Variants in DPYD observed in about 807,000 individuals in gnomAD.
DPYD encodes the protein dihydropyrimidine dehydrogenase [NADP(+)].
DPYD carries 109 observed loss-of-function variants against 116.2 expected under a neutral mutation model. The ratio of observed to expected loss-of-function variants is 0.94; its 90% confidence interval spans 0.80 to 1.10. DPYD has a LOEUF of 1.10. DPYD is among the 50% of genes least tolerant of loss of function. The pLI, the probability that DPYD is intolerant of heterozygous loss-of-function variation, is 0.00. For missense variants in DPYD, 1,302 were observed against 1,254.5 expected (o/e 1.04, Z -0.57); for synonymous variants, 440 against 432.0 (o/e 1.02, Z -0.23).
intron 18 of DPYD, among the ~76,000 whole-genome samples, chr1:97,293,649 AAGTC>A (rs1434659025): frequency 1.3e-5 from 2 of 152,190 alleles, no homozygotes; most frequent in Non-Finnish European, 2.9e-5. Flanking sequence ...CAAAGATTAA[AAGTC>A]AGTCCAGGCC....
At chr1:97,525,798 G>C (rs1357211655) in intron 12 of DPYD, among the ~76,000 whole-genome samples, 2 of 151,210 alleles carry the variant, frequency 1.3e-5, no homozygotes, top group Non-Finnish European at 2.9e-5. Context: ...GAGTGTGTGT[G>C]TGTTTTAGGC....
At chr1:97,373,723 AGTCACATTT>A in intron 15 of DPYD, 79 bp from the exon 16 acceptor site, 1 of 1,251,050 alleles carries the variant, frequency 8.0e-7, no homozygotes, top group Non-Finnish European at 1.2e-6. Context: ...TGATAACACA[AGTCACATTT>A]GTCAAGTGTT....
intron 14 of DPYD, among the ~76,000 whole-genome samples, chr1:97,431,059 TAAG>T (rs953644357): frequency 2.0e-5 from 3 of 152,146 alleles, no homozygotes; most frequent in Non-Finnish European, 4.4e-5. Context: ...TATTTTTTCT[TAAG>T]AAATATTTAT....
At chr1:97,485,656 T>C (rs1368367764) in intron 13 of DPYD, among the ~76,000 whole-genome samples, 1 of 152,230 alleles carries the variant, frequency 6.6e-6, no homozygotes, top group South Asian at 2.1e-4. Flanking sequence ...TCTAGATTTA[T>C]TTGGTTCATT....
intron 10 of DPYD, among the ~76,000 whole-genome samples, chr1:97,583,771 T>G (rs1653878240): frequency 6.6e-6 from 1 of 152,166 alleles, no homozygotes; most frequent in Non-Finnish European, 1.5e-5. Context: ...AATATTTTTT[T>G]TAACAGTTTA....
chr1:97,811,517 CAAAACAAT>C (rs1291569424), intron 3 of DPYD, among the ~76,000 whole-genome samples: 1 of 151,976 alleles, frequency 6.6e-6, no homozygotes, highest in Non-Finnish European at 1.5e-5. Flanking sequence ...AAACATTGCT[CAAAACAAT>C]AAATATTTCA....
chr1:97,174,465 A>C (rs1657107089), intron 20 of DPYD, among the ~76,000 whole-genome samples: 1 of 152,216 alleles, frequency 6.6e-6, no homozygotes, highest in African/African-American at 2.4e-5. Flanking sequence ...GAAGTCTTCC[A>C]ACTCCACACC....
intron 12 of DPYD, among the ~76,000 whole-genome samples, chr1:97,527,009 A>G (rs1649177972): frequency 6.6e-6 from 1 of 152,096 alleles, no homozygotes; most frequent in South Asian, 2.1e-4. Flanking sequence ...AAAGATTAAT[A>G]AGTGGTAGAG....
At chr1:97,799,838 C>T (rs544235310) in intron 3 of DPYD, among the ~76,000 whole-genome samples, 3 of 151,852 alleles carry the variant, frequency 2.0e-5, no homozygotes, top group African/African-American at 2.4e-5. Flanking sequence ...AGAAAGTTCA[C>T]GTTGCCTAGA....
chr1:97,500,201 A>C (rs1679496039), intron 13 of DPYD, among the ~76,000 whole-genome samples: 1 of 151,986 alleles, frequency 6.6e-6, no homozygotes, highest in Non-Finnish European at 1.5e-5. Flanking sequence ...CAGGTAATTC[A>C]TCAAACACCA....
intron 8 of DPYD, among the ~76,000 whole-genome samples, chr1:97,607,995 AT>A: frequency 6.6e-6 from 1 of 151,994 alleles, no homozygotes; most frequent in East Asian, 1.9e-4. Flanking sequence ...ACAAATACAT[AT>A]ATTGTAACTA....
chr1:97,376,138 T>TA (rs1428299972), intron 15 of DPYD, among the ~76,000 whole-genome samples: 1 of 152,176 alleles, frequency 6.6e-6, no homozygotes, highest in Non-Finnish European at 1.5e-5. Flanking sequence ...AACTGAGACA[T>TA]AAAGAGTTCA....
At chr1:97,529,467 A>G (rs1012488222) in intron 12 of DPYD, among the ~76,000 whole-genome samples, 1 of 152,200 alleles carries the variant, frequency 6.6e-6, no homozygotes, top group Non-Finnish European at 1.5e-5. Flanking sequence ...CAGTATTATT[A>G]CACACCTTTT....
At chr1:97,338,881 A>G (rs1231200143) in intron 16 of DPYD, among the ~76,000 whole-genome samples, 1 of 152,138 alleles carries the variant, frequency 6.6e-6, no homozygotes, top group Non-Finnish European at 1.5e-5. Context: ...TGTACTCTTA[A>G]ACTTGTGGGA....
chr1:97,393,322 C>T (rs1672819594), intron 14 of DPYD, among the ~76,000 whole-genome samples: 1 of 150,840 alleles, frequency 6.6e-6, no homozygotes, highest in Non-Finnish European at 1.5e-5. Context: ...ACTTTAAGTT[C>T]TAGGGTACAT....
At chr1:97,228,453 CACTT>C (rs779244147) in intron 19 of DPYD, among the ~76,000 whole-genome samples, 7 of 152,080 alleles carry the variant, frequency 4.6e-5, no homozygotes, top group African/African-American at 9.7e-5. Flanking sequence ...GCAGTGAACT[CACTT>C]AATTACATAA....
intron 3 of DPYD, among the ~76,000 whole-genome samples, chr1:97,795,266 T>C (rs576522489): frequency 6.6e-6 from 1 of 152,216 alleles, no homozygotes; most frequent in East Asian, 1.9e-4. Context: ...GGCAGTTTAC[T>C]ACATATTCAC....
intron 20 of DPYD, among the ~76,000 whole-genome samples, chr1:97,173,629 G>A (rs1657043523): frequency 6.7e-6 from 1 of 149,922 alleles, no homozygotes; most frequent in African/African-American, 2.5e-5. Context: ...ATTAACTACT[G>A]CAGTGCCTGG....
chr1:97,729,740 A>G (rs1663482105), intron 4 of DPYD, among the ~76,000 whole-genome samples: 1 of 152,102 alleles, frequency 6.6e-6, no homozygotes, highest in Admixed American at 6.6e-5. Context: ...TCTGCATCCT[A>G]TCCTCCCTGC....
Sources: allele counts gnomAD v4.1 joint callset (sites outside exome capture counted in the v4.1 genomes callset), GRCh38; gene constraint gnomAD v4.1.1; transcripts MANE v1.5; gene names NCBI Gene and HGNC (gene_info 2026-07-23, HGNC 2026-07-21).